The following EYA1 variants were observed in gnomAD, a reference collection of about 807,000 sequenced individuals.
The protein encoded by EYA1 is EYA transcriptional coactivator and phosphatase 1, also known as protein phosphatase EYA1.
Under a neutral mutation model 82.0 loss-of-function variants are expected in EYA1, and 16 were observed. That is an observed-to-expected ratio of 0.20 (90% CI 0.13 to 0.30). The LOEUF is 0.30. Ranked by LOEUF, EYA1 falls within the 10% of genes least tolerant of loss-of-function variation. The pLI, the probability that EYA1 is intolerant of heterozygous loss-of-function variation, is 1.00. For synonymous variants in EYA1, 261 were observed against 264.4 expected, an observed-to-expected ratio of 0.99 and a Z score of 0.12; for missense variants, 633 against 730.7, an observed-to-expected ratio of 0.87 and a Z score of 1.54.
intron 2 of EYA1, among the ~76,000 whole-genome samples, chr8:71,434,940 T>C (rs1805891668): frequency 6.6e-6 from 1 of 152,032 alleles, no homozygotes; most frequent in South Asian, 2.1e-4. Flanking sequence ...TATATGTGCA[T>C]ACACACATAT....
At chr8:71,327,853 CT>C (rs71555578) in intron 4 of EYA1, among the ~76,000 whole-genome samples, 8,021 of 110,110 alleles carry the variant, frequency 0.073, 219 homozygotes, top group East Asian at 0.35. Flanking sequence ...TCTTTAAGTT[CT>C]TTTTTTTTTT....
intron 2 of EYA1, among the ~76,000 whole-genome samples, chr8:71,502,883 C>T (rs1811915003): frequency 6.6e-6 from 1 of 152,138 alleles, no homozygotes; most frequent in South Asian, 2.1e-4. Flanking sequence ...ATTACTGGCT[C>T]CCAAGGGTAC....
At chr8:71,413,001 G>A (rs913206937) in intron 2 of EYA1, among the ~76,000 whole-genome samples, 52 of 152,226 alleles carry the variant, frequency 3.4e-4, no homozygotes, top group African/African-American at 1.1e-3. Context: ...TGTGTGAAGC[G>A]GCAGAGTCAG....
chr8:71,247,896 T>A (rs908511620), intron 11 of EYA1, among the ~76,000 whole-genome samples: 1 of 152,214 alleles, frequency 6.6e-6, no homozygotes, highest in Non-Finnish European at 1.5e-5. Context: ...GTGGCAAGGA[T>A]GGAGCCTCAC....
chr8:71,314,282 G>T (rs192187655), intron 7 of EYA1, among the ~76,000 whole-genome samples: 49 of 152,294 alleles, frequency 3.2e-4, no homozygotes, highest in Admixed American at 2.9e-3. Context: ...ATTGAATAAT[G>T]AGAAGCAGTA....
intron 2 of EYA1, chr8:71,535,671 G>A (rs1442221594): frequency 2.7e-6 from 3 of 1,098,638 alleles, no homozygotes; most frequent in Admixed American, 2.3e-5. Context: ...AGATACTCGG[G>A]TTACAATAAA....
chr8:71,375,261 A>AATAT (rs144567107), intron 2 of EYA1, among the ~76,000 whole-genome samples: 16,303 of 151,092 alleles, frequency 0.11, 945 homozygotes, highest in Middle Eastern at 0.17. Flanking sequence ...GTACATCTTA[A>AATAT]ATATATATAT....
chr8:71,459,402 G>A (rs925981333), intron 2 of EYA1, among the ~76,000 whole-genome samples: 1 of 152,068 alleles, frequency 6.6e-6, no homozygotes, highest in African/African-American at 2.4e-5. Context: ...TTGTCTTTAA[G>A]TTTTGGTGTA....
chr8:71,236,509 A>AT (rs11285804), intron 12 of EYA1, among the ~76,000 whole-genome samples: 3 of 152,120 alleles, frequency 2.0e-5, no homozygotes, highest in African/African-American at 7.2e-5. Context: ...AATTTATTTC[A>AT]TTTTTAATCT....
intron 2 of EYA1, among the ~76,000 whole-genome samples, chr8:71,414,312 T>C (rs1830752010): frequency 6.6e-6 from 1 of 152,184 alleles, no homozygotes; most frequent in East Asian, 1.9e-4. Flanking sequence ...ACGTGTTTCA[T>C]TCCTGAAGGG....
chr8:71,511,703 G>T (rs147739876), intron 2 of EYA1, among the ~76,000 whole-genome samples: 1 of 152,146 alleles, frequency 6.6e-6, no homozygotes, highest in East Asian at 1.9e-4. Context: ...TAAGCTCCAC[G>T]CCTTATGCTA....
At chr8:71,490,028 GCC>G (rs1263563009) in intron 2 of EYA1, among the ~76,000 whole-genome samples, 2 of 152,116 alleles carry the variant, frequency 1.3e-5, no homozygotes, top group African/African-American at 4.8e-5. Context: ...TGGATCCCAG[GCC>G]CTGGGGAATA....
At chr8:71,289,438 T>TGC (rs1195202170) in intron 9 of EYA1, among the ~76,000 whole-genome samples, 3 of 152,366 alleles carry the variant, frequency 2.0e-5, no homozygotes, top group Admixed American at 1.3e-4. Flanking sequence ...GTTAACTGAA[T>TGC]GCCTCATAAT....
chr8:71,211,023 T>C lies in EYA1; in HGVS notation c.1698+133A>G, dbSNP rs76599768. 0.017 allele frequency: 12,264 copies of C among 723,542 alleles called. 465 individuals carry two copies. Among genetic ancestry groups the C allele is most frequent in the African/African-American group, 0.12 (6,777 of 57,744 alleles). 44.8% of individuals were successfully genotyped at this position (723,542 alleles called of 1,614,324 possible). On this transcript the variant is annotated intron_variant, in intron 17 of 17. Coordinates refer to ENST00000340726, the MANE Select transcript of EYA1 (RefSeq NM_000503.6). ...ATATTTATTGAATTCTACTTTACCC[T>C]GTTCAGTGCTTAGAGTACTGCACAT...
intron 11 of EYA1, among the ~76,000 whole-genome samples, chr8:71,254,803 A>T (rs1814195522): frequency 6.6e-6 from 1 of 152,116 alleles, no homozygotes; most frequent in African/African-American, 2.4e-5. Context: ...ACAATGACAT[A>T]ATTTTGTGTG....
At chr8:71,523,966 C>T (rs7017008) in intron 2 of EYA1, among the ~76,000 whole-genome samples, 99,056 of 152,112 alleles carry the variant, frequency 0.65, 33,612 homozygotes, top group East Asian at 0.92. Context: ...ATAGTGAGTA[C>T]ACTTCTTTCC....
At chr8:71,260,679 A>G (rs1212658546) in intron 11 of EYA1, among the ~76,000 whole-genome samples, 2 of 152,216 alleles carry the variant, frequency 1.3e-5, no homozygotes, top group Non-Finnish European at 2.9e-5. Flanking sequence ...ATAAAAGAAA[A>G]TAAGGTTCCT....
intron 2 of EYA1, among the ~76,000 whole-genome samples, chr8:71,415,496 T>C (rs1479562967): frequency 1.3e-5 from 2 of 152,160 alleles, no homozygotes; most frequent in Non-Finnish European, 2.9e-5. Flanking sequence ...CTAGTAAGGG[T>C]GAGGCCAAGA....
intron 9 of EYA1, among the ~76,000 whole-genome samples, chr8:71,298,044 AAG>A (rs1819780793): frequency 6.6e-6 from 1 of 152,182 alleles, no homozygotes; most frequent in African/African-American, 2.4e-5. Flanking sequence ...AAAAATTTTG[AAG>A]ACTTTTGGGG....
Sources: gnomAD v4.1 joint callset for allele counts (sites outside exome capture counted in the v4.1 genomes callset) on GRCh38, gnomAD v4.1.1 for gene constraint, MANE v1.5 for transcripts, NCBI Gene and HGNC (gene_info 2026-07-23, HGNC 2026-07-21) for gene names.